The following NCAPD2 variants were observed in gnomAD, a reference collection of about 807,000 sequenced individuals.
NCAPD2 encodes condensin complex subunit 1.
A neutral mutation model predicts 164.5 loss-of-function variants in NCAPD2; 100 were observed. The observed-to-expected ratio is 0.61, with a 90% CI of 0.52 to 0.72. NCAPD2 has a LOEUF of 0.72. Among genes scored for constraint, NCAPD2 ranks in the 30% least tolerant of loss-of-function variants. NCAPD2 has a pLI of 0.00. For synonymous variants in NCAPD2, 585 were observed against 642.6 expected, an observed-to-expected ratio of 0.91 and a Z score of 1.36; for missense variants, 1,560 against 1,749.2, an observed-to-expected ratio of 0.89 and a Z score of 1.93.
chr12:6,528,896 AATCTGTAG>A lies in NCAPD2; in HGVS notation c.3477+41_3478-41del, dbSNP rs1283438869. On this transcript the variant is annotated intron_variant, in intron 26 of 31. Coordinates refer to ENST00000315579, the MANE Select transcript of NCAPD2 (RefSeq NM_014865.4). The surrounding 1 kb of genome is among the most constrained non-coding windows in gnomAD (Gnocchi z 5.1). The stretch of plus-strand genomic sequence containing the variant: ...GGCACTGAGGGCTGGCTGCAGAGGG[AATCTGTAG>A]GTCACCTCATCTCCTTAACATGGCT... The A allele has an allele frequency of 6.2e-7, 1 of 1,613,210 alleles. No homozygotes were observed. The highest frequency in any genetic ancestry group is 1.3e-5 in the African/African-American group (1 of 75,000).
Position 6,521,001 on chromosome 12 carries a change from C to G in NCAPD2, c.1605C>G (p.Leu535=), listed in dbSNP as rs746649071. The G allele has an allele frequency of 6.2e-7, 1 of 1,614,028 alleles. No homozygotes were observed. Residue 535 remains leucine (L), a synonymous_variant, in exon 14 of 32, where the codon CTC becomes CTG. Coordinates refer to ENST00000315579, the MANE Select transcript of NCAPD2 (RefSeq NM_014865.4). The part of the protein sequence containing the change: ...AKASYKKAII[L]TREATGHFQE... ...GTTCTTTCAGAAAGGCCATCATTCT[C>G]ACTCGAGAAGCCACAGGCCACTTCC...
intron 18 of NCAPD2, 80 bp downstream of exon 18, chr12:6,525,796 T>A (rs1946311754): frequency 1.9e-6 from 3 of 1,559,730 alleles, no homozygotes; most frequent in Non-Finnish European, 2.6e-6. Context: ...TCAGTGACAT[T>A]GTCACAGTGA....
In NCAPD2 at chr12:6,527,068, G is replaced by T; in HGVS notation, c.2907+5G>T. ...ACCAAAGATCCCAAGGAGAAGGTGT[G>T]TGAATGTCCTCAGCACTTCCCAGAT... On this transcript the variant is annotated splice_donor_5th_base_variant and intron_variant, in intron 22 of 31. Coordinates refer to ENST00000315579, the MANE Select transcript of NCAPD2 (RefSeq NM_014865.4). 2.5e-6 allele frequency: 4 copies of T among 1,606,582 alleles called. No individual in the cohort carries two copies. Among genetic ancestry groups the T allele is most frequent in the Non-Finnish European group, 3.4e-6 (4 of 1,175,232 alleles).
intron 1 of NCAPD2, 95 bp from the exon 2 acceptor site, chr12:6,494,981 G>C: frequency 7.9e-7 from 1 of 1,267,004 alleles, no homozygotes; most frequent in African/African-American, 1.5e-5. Flanking sequence ...AAAACTAAAA[G>C]CCATTATATA....
At chr12:6,505,623 G>C (rs1234147095) in intron 2 of NCAPD2, among the ~76,000 whole-genome samples, 1 of 152,178 alleles carries the variant, frequency 6.6e-6, no homozygotes, top group African/African-American at 2.4e-5. Context: ...TGGATCACCT[G>C]AAATCAGGAG....
In NCAPD2 at chr12:6,518,503, A is replaced by AGTTTTT. The variant is rs1555139578; in HGVS notation, c.1589+545_1589+550dup. On this transcript the variant is annotated intron_variant, in intron 13 of 31. Coordinates refer to ENST00000315579, the MANE Select transcript of NCAPD2 (RefSeq NM_014865.4). ...ACAAAAGCCCTTACAGCCGTCAACA[A>AGTTTTT]GTTTTTTTTTTTTTTTTTTTTTTTT... Among the ~76,000 whole-genome samples, 39 of 30,716 alleles carry AGTTTTT rather than the reference A, an allele frequency of 1.3e-3. 1 individual carries two copies. Among genetic ancestry groups the AGTTTTT allele is most frequent in the African/African-American group, 7.2e-3 (37 of 5,126 alleles). 20.2% of individuals were successfully genotyped at this position (30,716 alleles called of 152,430 possible).
intron 17 of NCAPD2, among the ~76,000 whole-genome samples, chr12:6,524,426 G>C (rs1946295725): frequency 6.6e-6 from 1 of 151,976 alleles, no homozygotes; most frequent in African/African-American, 2.4e-5. Flanking sequence ...GATTACCTGA[G>C]GTCTGAGGTC....
At position 6,517,697 on chromosome 12, in the gene NCAPD2, G is replaced by A; in HGVS notation, c.1408+14G>A. On this transcript the variant is annotated intron_variant, in intron 12 of 31. Coordinates refer to ENST00000315579, the MANE Select transcript of NCAPD2 (RefSeq NM_014865.4). The stretch of plus-strand genomic sequence containing the variant: ...CTGCAGCAGCTTGTAAGTAGTTACT[G>A]CCTTGGAGTCCTAATGCCAGACAGG... 6.2e-7 allele frequency: 1 copy of A among 1,614,208 alleles called. No individual in the cohort carries two copies. The highest frequency in any genetic ancestry group is 1.1e-5 in the South Asian group (1 of 91,090).
At position 6,528,114 on chromosome 12, in the gene NCAPD2, C is replaced by A. The variant is rs150767309; in HGVS notation, c.3143+23C>A. ...CAGGTAGGCCGTGGGGTTGGTACCC[C>A]CTTCTCAAGGAAGATGGGGATGAAA... On this transcript the variant is annotated intron_variant, in intron 24 of 31. Coordinates refer to ENST00000315579, the MANE Select transcript of NCAPD2 (RefSeq NM_014865.4). The surrounding 1 kb of genome is among the most constrained non-coding windows in gnomAD (Gnocchi z 5.1). 5.6e-4 allele frequency: 897 copies of A among 1,614,204 alleles called. 6 individuals carry two copies. The African/African-American group carries it at 0.01, about 18-fold the overall frequency.
chr12:6,513,738 T>C (rs1193349098), intron 6 of NCAPD2, among the ~76,000 whole-genome samples: 3 of 140,680 alleles, frequency 2.1e-5, no homozygotes, highest in Admixed American at 7.3e-5. Context: ...TTTTTTGTGA[T>C]GGAGTCTCGC....
At position 6,530,766 on chromosome 12, in the gene NCAPD2, A is replaced by T; in HGVS notation, c.3913A>T (p.Ile1305Phe). Reference protein sequence around the residue: ...RGLDGIKELEIGQAGSQRAPS... With the variant: ...RGLDGIKELEFGQAGSQRAPS... ...TTTGGATGGAATCAAGGAGCTTGAG[A>T]TTGGCCAAGCAGGTAGCCAGAGAGC... The change falls in exon 30 of 32, where the codon ATT (isoleucine) becomes TTT (phenylalanine). Residue 1305 changes from isoleucine to phenylalanine, a missense_variant. Coordinates refer to ENST00000315579, the MANE Select transcript of NCAPD2 (RefSeq NM_014865.4). 1 of 1,614,158 alleles carries T rather than the reference A, an allele frequency of 6.2e-7. No individual in the cohort carries two copies. Among genetic ancestry groups the T allele is most frequent in the Non-Finnish European group, 8.5e-7 (1 of 1,180,028 alleles).
intron 13 of NCAPD2, among the ~76,000 whole-genome samples, chr12:6,520,499 T>G (rs952800056): frequency 2.6e-5 from 4 of 151,956 alleles, no homozygotes; most frequent in Admixed American, 6.6e-5. Flanking sequence ...CCCGGCTAAC[T>G]TTTTTTACTT....
At chr12:6,498,918 A>G (rs1278240327) in intron 2 of NCAPD2, among the ~76,000 whole-genome samples, 2 of 152,014 alleles carry the variant, frequency 1.3e-5, no homozygotes, top group Non-Finnish European at 2.9e-5. Context: ...TAACAATAAT[A>G]TTAATAAAAT....
At position 6,530,035 on chromosome 12, in the gene NCAPD2, G is replaced by A. The variant is rs886862523; in HGVS notation, c.3837+77G>A. On this transcript the variant is annotated intron_variant, in intron 29 of 31. Coordinates refer to ENST00000315579, the MANE Select transcript of NCAPD2 (RefSeq NM_014865.4). Reference sequence around the variant, plus strand: ...CATCTGCCGGCCCTGGGCAGCATACGGCTCTTGCAGTCACCTTCCCGTCCT... The same window carrying A: ...CATCTGCCGGCCCTGGGCAGCATACAGCTCTTGCAGTCACCTTCCCGTCCT... 14 of 1,482,190 alleles carry A rather than the reference G, an allele frequency of 9.4e-6. No homozygotes were observed. In the African/African-American group the frequency reaches 1.1e-4, roughly 12 times the overall value. The allele number at this position is 1,482,190 out of a possible 1,614,324, so 91.8% of individuals were successfully genotyped here.
rs199497566 is a variant in NCAPD2, at chr12:6,529,769, C to T, written c.3654-6C>T. 157 of 1,610,612 alleles carry T rather than the reference C, an allele frequency of 9.7e-5. No individual in the cohort carries two copies. Among genetic ancestry groups the T allele is most frequent in the Middle Eastern group, 3.3e-4 (2 of 6,012 alleles). On this transcript the variant is annotated splice_polypyrimidine_tract_variant and splice_region_variant and intron_variant, in intron 28 of 31. Transcript: ENST00000315579. ...CAGTTCCTCACAAAGCCCTTCCTAT[C>T]TGCAGAACTGAGCGGCAGCAGCGAG...
Position 6,528,910 on chromosome 12 carries a change from C to G in NCAPD2, c.3478-35C>G. On this transcript the variant is annotated intron_variant, in intron 26 of 31. Coordinates refer to ENST00000315579, the MANE Select transcript of NCAPD2 (RefSeq NM_014865.4). This position sits in a 1 kb window ranked among gnomAD's most constrained non-coding sequence, Gnocchi z 5.1. Reference sequence around the variant, plus strand: ...GCTGCAGAGGGAATCTGTAGGTCACCTCATCTCCTTAACATGGCTCTCTCT... The same window carrying G: ...GCTGCAGAGGGAATCTGTAGGTCACGTCATCTCCTTAACATGGCTCTCTCT... 1 of 1,613,864 alleles carries G rather than the reference C, an allele frequency of 6.2e-7. No homozygotes were observed.
rs762152072 is a variant in NCAPD2 at position 6,510,659 on chromosome 12, C to G, written c.293C>G (p.Ala98Gly). ...TCCCGCCACTCCCAGGAGCTTCCAG[C>G]TATCCTGGATGATACAACTTTGAGT... ...VVSRHSQELP[A>G]ILDDTTLSGS... Residue 98 changes from alanine (A) to glycine (G), a missense_variant, in exon 5 of 32, where the codon GCT becomes GGT. Coordinates refer to ENST00000315579, the MANE Select transcript of NCAPD2 (RefSeq NM_014865.4). 5.6e-6 allele frequency: 9 copies of G among 1,614,056 alleles called. No homozygotes were observed. In the African/African-American group the frequency reaches 1.1e-4, roughly 19 times the overall value.
At position 6,514,249 on chromosome 12, in the gene NCAPD2, A is replaced by G. The variant is rs1225233612; in HGVS notation, c.588-16A>G. 1 of 1,613,940 alleles carries G rather than the reference A, an allele frequency of 6.2e-7. No homozygotes were observed. The highest frequency in any genetic ancestry group is 1.1e-5 in the South Asian group (1 of 91,052). On this transcript the variant is annotated splice_polypyrimidine_tract_variant and intron_variant, in intron 6 of 31. Coordinates refer to ENST00000315579, the MANE Select transcript of NCAPD2 (RefSeq NM_014865.4). Reference sequence around the variant, plus strand: ...CAGACAGCTGCTTTCATCATCTCAAACTCTTCCTTTCTCAGTTTGGTTACT... The same window carrying G: ...CAGACAGCTGCTTTCATCATCTCAAGCTCTTCCTTTCTCAGTTTGGTTACT...
chr12:6,515,936 AATC>A (rs1946194405), intron 9 of NCAPD2, among the ~76,000 whole-genome samples: 1 of 152,206 alleles, frequency 6.6e-6, no homozygotes, highest in Admixed American at 6.5e-5. Flanking sequence ...TCACGCCTGT[AATC>A]CCAGCACTTT....
Sources: gnomAD v4.1 joint callset for allele counts (sites outside exome capture counted in the v4.1 genomes callset) on GRCh38, gnomAD v4.1.1 for gene constraint, Gnocchi (gnomAD v3.1) non-coding constraint, MANE v1.5 for transcripts, NCBI Gene and HGNC (gene_info 2026-07-23, HGNC 2026-07-21) for gene names.